ARHGAP23: variants seen among roughly 807,000 people sequenced by gnomAD.
The protein encoded by ARHGAP23 is Rho GTPase activating protein 23.
In ARHGAP23, 34 loss-of-function variants were observed where a neutral mutation model predicts 136.3. That is an observed-to-expected ratio of 0.25 (90% confidence interval 0.19 to 0.33). The LOEUF (loss-of-function observed/expected upper bound fraction) is 0.33, where lower values mean the gene tolerates loss of function less well. Ranked by LOEUF, ARHGAP23 falls within the 10% of genes least tolerant of loss-of-function variation. The pLI, the probability that ARHGAP23 is intolerant of heterozygous loss-of-function variation, is 1.00. For synonymous variants in ARHGAP23, 832 were observed against 920.5 expected (o/e 0.90, Z 1.74); for missense variants, 1,808 against 2,139.0 (o/e 0.85, Z 3.05).
intron 1 of ARHGAP23, among the ~76,000 whole-genome samples, chr17:38,431,691 G>A (rs1567771126): frequency 6.6e-6 from 1 of 152,180 alleles, no homozygotes; most frequent in African/African-American, 2.4e-5. Context: ...TTTGGGTTGG[G>A]GTGTATTTAC....
rs768727757 is a variant in ARHGAP23, at chr17:38,497,775, T to G, written c.3277-10T>G. ...GCTGATTTCATCCCTTCCTTTTGTC[T>G]TCTCTGCAGTCAGACTGGTTCTTCA... On this transcript the variant is annotated splice_polypyrimidine_tract_variant and intron_variant, in intron 20 of 23. Transcript: ENST00000622683. The G allele has an allele frequency of 5.2e-6, 8 of 1,550,844 alleles. No homozygotes were observed. The highest frequency in any genetic ancestry group is 6.1e-6 in the Non-Finnish European group (7 of 1,146,706).
At chr17:38,471,006 G>C (rs536002678) in intron 10 of ARHGAP23, among the ~76,000 whole-genome samples, 46 of 149,348 alleles carry the variant, frequency 3.1e-4, no homozygotes, top group Non-Finnish European at 5.9e-4. Context: ...AGGCTGGAGT[G>C]CAGTGGCACG....
intron 6 of ARHGAP23, 45 bp downstream of exon 6, chr17:38,463,427 G>T (rs1434305747): frequency 6.5e-7 from 1 of 1,547,780 alleles, no homozygotes; most frequent in East Asian, 2.4e-5. Flanking sequence ...CTGAGCCCTG[G>T]GGCAGCACCG....
chr17:38,480,855 C>T (rs1269975952), intron 14 of ARHGAP23, among the ~76,000 whole-genome samples: 1 of 149,724 alleles, frequency 6.7e-6, no homozygotes, highest in African/African-American at 2.5e-5. Context: ...GGCCAGCAGA[C>T]ATGGTGGCTG....
At chr17:38,455,040 G>C (rs1264721720) in intron 1 of ARHGAP23, among the ~76,000 whole-genome samples, 1 of 152,218 alleles carries the variant, frequency 6.6e-6, no homozygotes, top group Non-Finnish European at 1.5e-5. Context: ...GCCTAAGTCA[G>C]AGAGGCAGAG....
chr17:38,437,370 C>T (rs1364490143), intron 1 of ARHGAP23, among the ~76,000 whole-genome samples: 2 of 152,038 alleles, frequency 1.3e-5, no homozygotes, highest in African/African-American at 4.8e-5. Context: ...AAGTGATCCT[C>T]CTGCCTTGGT....
upstream of ARHGAP23, among the ~76,000 whole-genome samples, chr17:38,427,357 G>T (rs116253798): frequency 6.6e-6 from 1 of 152,066 alleles, no homozygotes; most frequent in African/African-American, 2.4e-5. Context: ...CCAGCTACCT[G>T]GGGAGGCTGA....
chr17:38,488,531 A>T (rs1402356615), intron 17 of ARHGAP23, among the ~76,000 whole-genome samples: 8 of 152,202 alleles, frequency 5.3e-5, no homozygotes, highest in African/African-American at 1.9e-4. Flanking sequence ...AACTGAAAAC[A>T]AATTTTTTGT....
In ARHGAP23 at chr17:38,469,388, C is replaced by T. The variant is rs1002506547; in HGVS notation, c.1804+89C>T. On this transcript the variant is annotated intron_variant, in intron 8 of 23. Transcript: ENST00000622683. ...TTGGGCCTGCTGCTTGATGTCTGGCCTCTTCCTCTGGTTTCCGCTTCTCCT... is the reference window on the plus strand; with the variant it reads ...TTGGGCCTGCTGCTTGATGTCTGGCTTCTTCCTCTGGTTTCCGCTTCTCCT... 4.1e-6 allele frequency: 6 copies of T among 1,477,080 alleles called. No individual in the cohort carries two copies. The African/African-American group carries it at 4.2e-5, about 10-fold the overall frequency. The allele number at this position is 1,477,080 out of a possible 1,614,324, so 91.5% of individuals were successfully genotyped here. A position where few individuals can be genotyped will look rare whatever the true frequency, so the allele number is the denominator to read the frequency against.
rs1459994619 is a variant in ARHGAP23 at position 38,460,929 on chromosome 17, G to A, written c.250G>A (p.Gly84Arg). 1 of 1,536,000 alleles carries A rather than the reference G, an allele frequency of 6.5e-7. No homozygotes were observed. Among genetic ancestry groups the A allele is most frequent in the Non-Finnish European group, 8.7e-7 (1 of 1,146,832 alleles). ...GGAGGAAGAGAATGGAGGCCGTGGA[G>A]GAGGTAAGGGAGGACTGGCGGGCGC... The part of the protein sequence containing the change: ...LKEEENGGRG[G>R]GPSPRYRLEP... The change falls in exon 3 of 24, where the codon GGA becomes AGA. Residue 84 changes from glycine (G) to arginine (R), a missense_variant. Physicochemically the swap from Gly to Arg is moderately radical, Grantham distance 125. This residue lies in a region of ARHGAP23 where 859 missense variants were observed against 936.4 expected (regional missense o/e 0.92). Coordinates refer to ENST00000622683, the MANE Select transcript of ARHGAP23 (RefSeq NM_001199417.2).
Position 38,494,904 on chromosome 17 carries a change from T to G in ARHGAP23, c.3277-2881T>G, listed in dbSNP as rs149499245. ...ACCCGGGCGCTTCCTGTAGACGCTG[T>G]GGCTTGCAGAGTACTTCTGGGCACC... On this transcript the variant is annotated intron_variant, in intron 20 of 23. Transcript: ENST00000622683. 6.8e-3 allele frequency among the ~76,000 whole-genome samples: 1,029 copies of G among 152,348 alleles called. 8 individuals are homozygous for G. The highest frequency in any genetic ancestry group is 0.024 in the African/African-American group (978 of 41,584).
chr17:38,503,685 G>T (rs1426149329), intron 23 of ARHGAP23, among the ~76,000 whole-genome samples: 1 of 152,218 alleles, frequency 6.6e-6, no homozygotes, highest in Admixed American at 6.5e-5. Flanking sequence ...CTCCTGAGAC[G>T]CTAGCAGTTA....
chr17:38,464,861 G>A (rs1042748819), intron 6 of ARHGAP23, among the ~76,000 whole-genome samples: 1 of 152,188 alleles, frequency 6.6e-6, no homozygotes, highest in African/African-American at 2.4e-5. Context: ...TGGGGCCCAG[G>A]CATTCCTGTG....
chr17:38,435,605 T>C (rs1193133946), intron 1 of ARHGAP23, among the ~76,000 whole-genome samples: 1 of 152,172 alleles, frequency 6.6e-6, no homozygotes, highest in African/African-American at 2.4e-5. Context: ...GAAAATTTTT[T>C]GTTGTTGTTG....
chr17:38,469,700 G>A, intron 9 of ARHGAP23, 65 bp downstream of exon 9: 1 of 1,524,420 alleles, frequency 6.6e-7, no homozygotes, highest in Non-Finnish European at 8.9e-7. Context: ...CTCTGGGGCA[G>A]GGCTCTTGGC....
At chr17:38,422,217 T>C (rs1350118437) in intron 1 of ARHGAP23, among the ~76,000 whole-genome samples, 1 of 152,204 alleles carries the variant, frequency 6.6e-6, no homozygotes, top group Non-Finnish European at 1.5e-5. Context: ...TGTGTCTGTT[T>C]CCTCATTTAC....
intron 1 of ARHGAP23, among the ~76,000 whole-genome samples, chr17:38,449,295 G>A (rs2039104555): frequency 6.6e-6 from 1 of 152,208 alleles, no homozygotes; most frequent in African/African-American, 2.4e-5. Flanking sequence ...GGCCCTACAG[G>A]GGAAGAGCAC....
At chr17:38,436,749 C>T (rs975549521) in intron 1 of ARHGAP23, among the ~76,000 whole-genome samples, 2 of 152,224 alleles carry the variant, frequency 1.3e-5, no homozygotes, top group African/African-American at 4.8e-5. Flanking sequence ...TCAGGGGCCC[C>T]CTGCCAAAAA....
chr17:38,496,224 C>T (rs928839935), intron 20 of ARHGAP23, among the ~76,000 whole-genome samples: 11 of 152,166 alleles, frequency 7.2e-5, no homozygotes, highest in Non-Finnish European at 1.6e-4. Flanking sequence ...TAATGCTTAT[C>T]AGTTTCTGTG....
Sources: gnomAD v4.1 joint callset for allele counts (sites outside exome capture counted in the v4.1 genomes callset) on GRCh38, gnomAD v4.1.1 for gene constraint, gnomAD v4.1.1 regional missense constraint, MANE v1.5 for transcripts, NCBI Gene and HGNC (gene_info 2026-07-23, HGNC 2026-07-21) for gene names.